PHLPP1: variants seen among roughly 807,000 people sequenced by gnomAD.
PHLPP1 encodes PH domain leucine-rich repeat-containing protein phosphatase 1.
Under a neutral mutation model 117.2 loss-of-function variants are expected in PHLPP1, and 42 were observed. The observed-to-expected ratio is 0.36, with a 90% confidence interval of 0.28 to 0.46. The LOEUF is 0.46. PHLPP1 is among the 20% of genes least tolerant of loss of function. The pLI is 1.00. For missense variants in PHLPP1, 2,084 were observed against 2,241.9 expected (o/e 0.93, Z 1.42); for synonymous variants, 1,042 against 970.7 (o/e 1.07, Z -1.37).
intron 1 of PHLPP1, among the ~76,000 whole-genome samples, chr18:62,803,202 T>G (rs368581143): frequency 6.6e-6 from 1 of 152,320 alleles, no homozygotes; most frequent in South Asian, 2.1e-4. Context: ...ATTTAAACAT[T>G]TGTCTGTTTA....
intron 2 of PHLPP1, among the ~76,000 whole-genome samples, chr18:62,836,639 T>C (rs1914912296): frequency 6.6e-6 from 1 of 151,912 alleles, no homozygotes; most frequent in Non-Finnish European, 1.5e-5. Context: ...TTCATTTTTT[T>C]GTTTGCTGGA....
At chr18:62,959,190 T>G (rs1482895865) in intron 13 of PHLPP1, among the ~76,000 whole-genome samples, 1 of 152,196 alleles carries the variant, frequency 6.6e-6, no homozygotes, top group African/African-American at 2.4e-5. Flanking sequence ...TGTAAAACCT[T>G]AAAGGTCTGC....
intron 12 of PHLPP1, among the ~76,000 whole-genome samples, chr18:62,947,060 AAAC>A (rs899892989): frequency 1.4e-4 from 21 of 152,184 alleles, no homozygotes; most frequent in South Asian, 4.1e-4. Context: ...CTCAAAAAAC[AAAC>A]AACAACAACA....
At chr18:62,969,476 A>T (rs1307390312) in intron 14 of PHLPP1, among the ~76,000 whole-genome samples, 3 of 150,834 alleles carry the variant, frequency 2.0e-5, no homozygotes, top group Admixed American at 6.6e-5. Flanking sequence ...TGTGCATTTA[A>T]AAAAAAAAAT....
intron 13 of PHLPP1, among the ~76,000 whole-genome samples, chr18:62,962,401 G>A (rs1910796767): frequency 1.3e-5 from 2 of 152,252 alleles, no homozygotes; most frequent in South Asian, 4.1e-4. Flanking sequence ...TCCACCTCCC[G>A]AGTTCAAGTG....
At chr18:62,822,850 C>CTA (rs1914506718) in intron 1 of PHLPP1, among the ~76,000 whole-genome samples, 1 of 152,118 alleles carries the variant, frequency 6.6e-6, no homozygotes, top group South Asian at 2.1e-4. Context: ...ATAAATTGAC[C>CTA]TATATAACTA....
intron 2 of PHLPP1, among the ~76,000 whole-genome samples, chr18:62,835,773 G>GT (rs1568132510): frequency 5.8e-5 from 8 of 137,858 alleles, no homozygotes; most frequent in Non-Finnish European, 1.1e-4. Flanking sequence ...AATTCAACTG[G>GT]TTCTTTTTTT....
At chr18:62,830,308 T>C in intron 2 of PHLPP1, 77 bp downstream of exon 2, 1 of 1,225,586 alleles carries the variant, frequency 8.2e-7, no homozygotes, top group Non-Finnish European at 1.1e-6. Context: ...TGGCGTGGTC[T>C]CAACTCACTG....
chr18:62,740,182 G>T (rs1911483058), intron 1 of PHLPP1, among the ~76,000 whole-genome samples: 1 of 152,128 alleles, frequency 6.6e-6, no homozygotes, highest in Non-Finnish European at 1.5e-5. Context: ...GGGTAGGTCG[G>T]GAGGCAGAAA....
At chr18:62,916,236 G>C (rs1909271947) in intron 9 of PHLPP1, among the ~76,000 whole-genome samples, 1 of 151,780 alleles carries the variant, frequency 6.6e-6, no homozygotes, top group African/African-American at 2.4e-5. Flanking sequence ...AATGTACATG[G>C]AATATAAAAT....
At chr18:62,775,603 T>C (rs1009051536) in intron 1 of PHLPP1, among the ~76,000 whole-genome samples, 3 of 152,230 alleles carry the variant, frequency 2.0e-5, no homozygotes, top group African/African-American at 7.2e-5. Context: ...TGACTAAAGG[T>C]AAATCCACTT....
At chr18:62,938,936 A>G (rs1910049589) in intron 10 of PHLPP1, among the ~76,000 whole-genome samples, 1 of 151,764 alleles carries the variant, frequency 6.6e-6, no homozygotes, top group African/African-American at 2.4e-5. Context: ...TTGTGTGTGT[A>G]TAACTACATA....
At chr18:62,866,152 A>T (rs1247613566) in intron 4 of PHLPP1, among the ~76,000 whole-genome samples, 2 of 152,204 alleles carry the variant, frequency 1.3e-5, no homozygotes, top group African/African-American at 4.8e-5. Flanking sequence ...GATGGGGATT[A>T]GTGAATGGTT....
chr18:62,820,378 C>G (rs938187141), intron 1 of PHLPP1, among the ~76,000 whole-genome samples: 2 of 152,214 alleles, frequency 1.3e-5, no homozygotes, highest in Non-Finnish European at 2.9e-5. Flanking sequence ...TCTGCAATAG[C>G]AAAATACACA....
chr18:62,830,222 T>C lies in PHLPP1; in HGVS notation c.1764T>C (p.Ile588=). ...GAAAGATGCATGTTCTGCCACTAAT[T>C]GGTGGAAAAGTAAGTTTGTTTGTTT... ...LTGKMHVLPL[I]GGKVEEVKKH... The change falls in exon 2 of 17, where the codon ATT becomes ATC. Residue 588 remains isoleucine, a synonymous_variant. Transcript: ENST00000262719. 1 of 1,554,692 alleles carries C rather than the reference T, an allele frequency of 6.4e-7. No individual in the cohort carries two copies. The highest frequency in any genetic ancestry group is 2.0e-5 in the Admixed American group (1 of 51,018).
chr18:62,882,705 G>T (rs1181753581), intron 4 of PHLPP1, among the ~76,000 whole-genome samples: 1 of 152,082 alleles, frequency 6.6e-6, no homozygotes, highest in Non-Finnish European at 1.5e-5. Context: ...ACCACAAGGT[G>T]TGCTCTTAAG....
At chr18:62,921,899 T>C (rs1386279198) in intron 10 of PHLPP1, among the ~76,000 whole-genome samples, 3 of 152,252 alleles carry the variant, frequency 2.0e-5, no homozygotes, top group African/African-American at 4.8e-5. Flanking sequence ...CTCTTCTTTT[T>C]CCTTTCGTTC....
At chr18:62,928,865 A>C (rs1180759166) in intron 10 of PHLPP1, among the ~76,000 whole-genome samples, 1 of 152,240 alleles carries the variant, frequency 6.6e-6, no homozygotes, top group Non-Finnish European at 1.5e-5. Flanking sequence ...TGAAAGCAGT[A>C]TGCTAAGTGA....
intron 10 of PHLPP1, among the ~76,000 whole-genome samples, chr18:62,930,567 CG>C (rs1213015499): frequency 6.6e-6 from 1 of 152,098 alleles, no homozygotes; most frequent in Non-Finnish European, 1.5e-5. Flanking sequence ...ATTTATAAAA[CG>C]AATACCAGAC....
Sources: allele counts gnomAD v4.1 joint callset (sites outside exome capture counted in the v4.1 genomes callset), GRCh38; gene constraint gnomAD v4.1.1; transcripts MANE v1.5; gene names NCBI Gene and HGNC (gene_info 2026-07-23, HGNC 2026-07-21).